The following FANCB variants were observed in gnomAD, a reference collection of about 807,000 sequenced individuals.
The protein encoded by FANCB is Fanconi anemia group B protein.
FANCB carries 5 observed loss-of-function variants against 38.9 expected under a neutral mutation model. The observed-to-expected ratio is 0.13, with a 90% CI of 0.07 to 0.27. FANCB has a LOEUF of 0.27. Among genes scored for constraint, FANCB ranks in the 10% least tolerant of loss-of-function variants. The probability of loss-of-function intolerance (pLI) is 1.00; values close to 1 mark genes in which losing one functional copy is unlikely to be tolerated. For missense variants in FANCB, 573 were observed against 602.7 expected (o/e 0.95, Z 0.52); for synonymous variants, 236 against 215.4 (o/e 1.10, Z -0.84).
intron 3 of FANCB, among the ~76,000 whole-genome samples, chrX:14,860,918 C>T (rs1247636326): frequency 2.7e-5 from 3 of 110,369 alleles, no homozygotes; most frequent in East Asian, 2.8e-4. Context: ...GGTCCCATTC[C>T]GTTGCCCTGG....
chrX:14,801,350 C>A, the FANCB span, among the ~76,000 whole-genome samples: 7 of 111,998 alleles, frequency 6.3e-5, no homozygotes, highest in African/African-American at 1.9e-4. Context: ...CACTTCCTCC[C>A]ACAAACAGTT....
chrX:14,841,737 A>T (rs746924337), downstream of FANCB, among the ~76,000 whole-genome samples: 5 of 111,798 alleles, frequency 4.5e-5, no homozygotes, highest in Admixed American at 9.5e-5. Flanking sequence ...ATGCTTGTAG[A>T]TGCAAAGACA....
chrX:14,784,988 G>A, the FANCB span, among the ~76,000 whole-genome samples: 4 of 111,524 alleles, frequency 3.6e-5, no homozygotes, highest in East Asian at 1.1e-3. Flanking sequence ...CACAGGGAGG[G>A]GAACAACACA....
the FANCB span, among the ~76,000 whole-genome samples, chrX:14,714,015 G>C: frequency 9.0e-6 from 1 of 111,364 alleles, no homozygotes; most frequent in Non-Finnish European, 1.9e-5. Context: ...AGCCACCAAG[G>C]GGTGGCTCAG....
chrX:14,760,688 G>C, the FANCB span, among the ~76,000 whole-genome samples: 20 of 111,865 alleles, frequency 1.8e-4, no homozygotes, highest in African/African-American at 6.5e-4. Context: ...AAAAAAGCCA[G>C]CCAGGTGCGG....
chrX:14,765,926 C>G, the FANCB span, among the ~76,000 whole-genome samples: 1 of 111,760 alleles, frequency 8.9e-6, no homozygotes, highest in South Asian at 3.8e-4. Context: ...CAAAGGATCT[C>G]AAGAGTAGTG....
the FANCB span, among the ~76,000 whole-genome samples, chrX:14,737,994 TAA>T: frequency 6.3e-5 from 7 of 111,792 alleles, no homozygotes; most frequent in African/African-American, 2.3e-4. Context: ...GAGAAAATCC[TAA>T]GACAATTGAT....
At chrX:14,853,254 A>T in intron 5 of FANCB, 87 bp from the exon 6 acceptor site, 1 of 848,034 alleles carries the variant, frequency 1.2e-6, no homozygotes. Context: ...ACTTTCTCCA[A>T]ATGTGCTTAT....
At chrX:14,842,611 C>T (rs756239683), downstream of FANCB, among the ~76,000 whole-genome samples, 4 of 112,090 alleles carry the variant, frequency 3.6e-5, no homozygotes, top group Non-Finnish European at 7.5e-5. Context: ...ATGTATCTCA[C>T]TGGACCCCTT....
chrX:14,847,026 A>T (rs1468754650), intron 7 of FANCB, among the ~76,000 whole-genome samples: 1 of 110,544 alleles, frequency 9.0e-6, no homozygotes, highest in African/African-American at 3.3e-5. Context: ...CTTATTTTTT[A>T]GATACATACA....
the FANCB span, among the ~76,000 whole-genome samples, chrX:14,804,882 T>C: frequency 8.9e-6 from 1 of 112,203 alleles, no homozygotes; most frequent in East Asian, 2.8e-4. Context: ...CAGGCTGCCT[T>C]GTACAAATAC....
At chrX:14,736,932 G>A in the FANCB span, among the ~76,000 whole-genome samples, 1 of 111,415 alleles carries the variant, frequency 9.0e-6, no homozygotes, top group South Asian at 3.8e-4. Context: ...CAAGGCAGGT[G>A]GATCACAAGG....
chrX:14,871,551 A>G (rs1410356609), intron 1 of FANCB, among the ~76,000 whole-genome samples: 1 of 111,310 alleles, frequency 9.0e-6, no homozygotes, highest in Non-Finnish European at 1.9e-5. Context: ...ATGAACACCA[A>G]TAGGGGAATG....
At chrX:14,759,198 A>G in the FANCB span, among the ~76,000 whole-genome samples, 1 of 111,857 alleles carries the variant, frequency 8.9e-6, no homozygotes, top group Non-Finnish European at 1.9e-5. Context: ...AAAATGAACA[A>G]AGTCTCCAAG....
chrX:14,835,165 G>C, downstream of FANCB: 1 of 532,909 alleles, frequency 1.9e-6, no homozygotes, highest in Admixed American at 2.3e-5. Flanking sequence ...TTCATCCTTT[G>C]CACCAGTCCC....
At chrX:14,695,224 C>T in the FANCB span, among the ~76,000 whole-genome samples, 1 of 110,211 alleles carries the variant, frequency 9.1e-6, no homozygotes, top group East Asian at 2.8e-4. Context: ...GTGGATTGGG[C>T]AGAAAAAGGA....
the FANCB span, among the ~76,000 whole-genome samples, chrX:14,786,161 T>C: frequency 9.0e-6 from 1 of 111,130 alleles, no homozygotes; most frequent in Non-Finnish European, 1.9e-5. Context: ...GCTGTGGCTT[T>C]CTCTGGGGAA....
the FANCB span, among the ~76,000 whole-genome samples, chrX:14,824,370 T>A: frequency 9.0e-6 from 1 of 111,648 alleles, no homozygotes; most frequent in Non-Finnish European, 1.9e-5. Flanking sequence ...TCTTTTACGG[T>A]TTTTTTTACA....
chrX:14,747,249 CT>C, the FANCB span, among the ~76,000 whole-genome samples: 2 of 112,481 alleles, frequency 1.8e-5, no homozygotes, highest in African/African-American at 6.5e-5. Flanking sequence ...GCTTACAGTT[CT>C]CCAACATGAT....
Sources: allele counts gnomAD v4.1 joint callset (sites outside exome capture counted in the v4.1 genomes callset), GRCh38; gene constraint gnomAD v4.1.1; transcripts MANE v1.5; gene names NCBI Gene and HGNC (gene_info 2026-07-23, HGNC 2026-07-21).